The following RYR2 variants were observed in gnomAD, a reference collection of about 807,000 sequenced individuals.
The protein encoded by RYR2 is ryanodine receptor 2, also known as cardiac muscle ryanodine receptor-calcium release channel.
In RYR2, 227 loss-of-function variants were observed where a neutral mutation model predicts 601.1. The observed-to-expected ratio is 0.38, with a 90% confidence interval of 0.34 to 0.42. RYR2 has a LOEUF of 0.42. RYR2 is among the 10% of genes least tolerant of loss of function. The pLI is 1.00. For missense variants in RYR2, 4,646 were observed against 6,156.5 expected, an observed-to-expected ratio of 0.75 and a Z score of 8.21; for synonymous variants, 2,223 against 2,175.1, an observed-to-expected ratio of 1.02 and a Z score of -0.61.
chr1:237,374,223 C>T (rs1425465228), intron 6 of RYR2, among the ~76,000 whole-genome samples: 77 of 152,206 alleles, frequency 5.1e-4, no homozygotes, highest in African/African-American at 1.8e-3. Flanking sequence ...GCTGGTACAA[C>T]TATAAACCTT....
chr1:237,749,305 A>T (rs546033098), intron 80 of RYR2, among the ~76,000 whole-genome samples: 1 of 152,174 alleles, frequency 6.6e-6, no homozygotes, highest in African/African-American at 2.4e-5. Flanking sequence ...GGAAGCCTCA[A>T]TTTTTCTATC....
chr1:237,326,261 C>T (rs534172718), intron 2 of RYR2, among the ~76,000 whole-genome samples: 2 of 151,690 alleles, frequency 1.3e-5, no homozygotes, highest in East Asian at 3.9e-4. Flanking sequence ...AGGATGGTGA[C>T]CAGTTTGTAT....
chr1:237,770,321 C>CACAAAAATCCATGAATTATTCT (rs1694171231), intron 84 of RYR2, among the ~76,000 whole-genome samples: 1 of 152,122 alleles, frequency 6.6e-6, no homozygotes, highest in South Asian at 2.1e-4. Flanking sequence ...TTACAGCTTT[C>CACAAAAATCCATGAATTATTCT]ACAAAAATCC....
chr1:237,683,973 G>T (rs1401420294), intron 62 of RYR2, among the ~76,000 whole-genome samples: 1 of 152,022 alleles, frequency 6.6e-6, no homozygotes, highest in African/African-American at 2.4e-5. Flanking sequence ...TGTCGCCCAG[G>T]CTGGAGTCCA....
At chr1:237,269,843 T>A (rs767848028) in intron 1 of RYR2, among the ~76,000 whole-genome samples, 1 of 152,184 alleles carries the variant, frequency 6.6e-6, no homozygotes, top group South Asian at 2.1e-4. Flanking sequence ...TTTTCGTCTT[T>A]CCCCATGTAC....
intron 1 of RYR2, among the ~76,000 whole-genome samples, chr1:237,235,890 G>C (rs947248654): frequency 6.6e-6 from 1 of 152,118 alleles, no homozygotes; most frequent in Non-Finnish European, 1.5e-5. Context: ...GTATGTTGGA[G>C]GTTAGCATTG....
intron 62 of RYR2, 90 bp from the exon 63 acceptor site, chr1:237,687,365 T>TG: frequency 2.3e-6 from 1 of 441,060 alleles, no homozygotes. Flanking sequence ...TTTTTCTTCT[T>TG]CTTTTTTTTT....
intron 17 of RYR2, among the ~76,000 whole-genome samples, chr1:237,469,616 A>C (rs1458113837): frequency 6.6e-6 from 1 of 152,172 alleles, no homozygotes; most frequent in East Asian, 1.9e-4. Context: ...AAAACCACTA[A>C]AGAGCCAGAA....
At chr1:237,518,927 T>TTTTG (rs927504137) in intron 24 of RYR2, among the ~76,000 whole-genome samples, 1 of 152,178 alleles carries the variant, frequency 6.6e-6, no homozygotes, top group East Asian at 1.9e-4. Context: ...ACATCTGTTT[T>TTTTG]TTTGTTTGTT....
chr1:237,223,513 A>T (rs1167245490), intron 1 of RYR2, among the ~76,000 whole-genome samples: 1 of 152,214 alleles, frequency 6.6e-6, no homozygotes. Flanking sequence ...TGACAACCTA[A>T]CTTTATTCCT....
Position 237,773,545 on chromosome 1 carries a change from A to T in RYR2, c.11672A>T (p.Tyr3891Phe), listed in dbSNP as rs1430332496. The T allele has an allele frequency of 1.3e-6, 2 of 1,591,258 alleles. No individual in the cohort carries two copies. Among genetic ancestry groups the T allele is most frequent in the Admixed American group, 1.7e-5 (1 of 59,894 alleles). ...GAATCAATTAGTGACTTTTATTGGT[A>T]TTACTCTGGGAAAGATGTTATTGAT... ...VQESISDFYW[Y>F]YSGKDVIDEQ... The change falls in exon 87 of 105, where the codon TAT becomes TTT. Residue 3891 changes from tyrosine (Y) to phenylalanine (F), a missense_variant. This residue lies in a region of RYR2 where 90 missense variants were observed against 213.3 expected (regional missense o/e 0.42). Transcript: ENST00000366574.
At chr1:237,440,764 CA>C (rs1572342121) in intron 12 of RYR2, among the ~76,000 whole-genome samples, 1 of 152,032 alleles carries the variant, frequency 6.6e-6, no homozygotes, top group African/African-American at 2.4e-5. Context: ...TCAAAGTTGT[CA>C]AAAAATTTTG....
At position 237,105,165 on chromosome 1, in the gene RYR2, G is replaced by A. The variant is rs374676856; in HGVS notation, c.48+62596G>A. On this transcript the variant is annotated intron_variant, in intron 1 of 104. Transcript: ENST00000366574. ...CTGCTTTGTTCACCTTACGTTTGGG[G>A]AAGGCTGAAATTTTATTGAGCACCG... Among the ~76,000 whole-genome samples the A allele has an allele frequency of 3.3e-5, 5 of 152,178 alleles. No homozygotes were observed. The East Asian group carries it at 9.6e-4, about 29-fold the overall frequency.
chr1:237,377,389 T>C lies in RYR2; in HGVS notation c.530T>C (p.Val177Ala). ...KQRSEGEKVR[V>A]GDDLILVSVS... ...CGATCAGAAGGAGAAAAAGTACGAG[T>C]TGGAGATGACCTCATCTTAGTTAGC... The change falls in exon 8 of 105, where the codon GTT becomes GCT. Residue 177 changes from valine to alanine, a missense_variant. Transcript: ENST00000366574. The C allele has an allele frequency of 6.2e-7, 1 of 1,613,620 alleles. No homozygotes were observed. The highest frequency in any genetic ancestry group is 1.1e-5 in the South Asian group (1 of 91,046).
chr1:237,705,244 G>T lies in RYR2; in HGVS notation c.9481G>T (p.Ala3161Ser). 6.2e-7 allele frequency: 1 copy of T among 1,607,614 alleles called. No individual in the cohort carries two copies. Among genetic ancestry groups the T allele is most frequent in the Non-Finnish European group, 8.5e-7 (1 of 1,176,324 alleles). Residue 3161 changes from alanine (A) to serine (S), a missense_variant, in exon 67 of 105, where the codon GCC becomes TCC. Physicochemically the swap from Ala to Ser is moderately conservative, Grantham distance 99 (BLOSUM62 1). Around this residue, in one of 17 missense-constraint regions of RYR2, gnomAD observed 1,497 missense variants for 1,842.6 expected, o/e 0.81. Coordinates refer to ENST00000366574, the MANE Select transcript of RYR2 (RefSeq NM_001035.3). ...TTCTGCATTAGGAGAATGTCTAGCT[G>T]CCTTTGCTGGTGCTTTTCCTGTAGC... ...QRSALGECLA[A>S]FAGAFPVAFL...
At chr1:237,229,966 A>T (rs1474583440) in intron 1 of RYR2, among the ~76,000 whole-genome samples, 1 of 152,094 alleles carries the variant, frequency 6.6e-6, no homozygotes, top group East Asian at 1.9e-4. Context: ...GGCTAAGAAG[A>T]TAGCCCCCCC....
At chr1:237,247,912 T>C (rs1265434760) in intron 1 of RYR2, among the ~76,000 whole-genome samples, 11 of 152,146 alleles carry the variant, frequency 7.2e-5, no homozygotes, top group Admixed American at 7.2e-4. Flanking sequence ...TTTCTGTCCA[T>C]GCTGGTACCT....
intron 1 of RYR2, among the ~76,000 whole-genome samples, chr1:237,185,570 T>A (rs180850273): frequency 3.2e-4 from 49 of 152,200 alleles, no homozygotes; most frequent in Non-Finnish European, 6.5e-4. Context: ...GGTGCTCCTG[T>A]GTCAGTCAAA....
intron 3 of RYR2, chr1:237,341,667 T>C (rs1172297793): frequency 1.9e-6 from 1 of 515,962 alleles, no homozygotes; most frequent in African/African-American, 1.9e-5. Context: ...ATTTGCTGAC[T>C]GGAGGGACTG....
Sources: gnomAD v4.1 joint callset for allele counts (sites outside exome capture counted in the v4.1 genomes callset) on GRCh38, gnomAD v4.1.1 for gene constraint, gnomAD v4.1.1 regional missense constraint, MANE v1.5 for transcripts, NCBI Gene and HGNC (gene_info 2026-07-23, HGNC 2026-07-21) for gene names.